MAPK10: variants seen among roughly 807,000 people sequenced by gnomAD.
MAPK10 encodes JNK3 alpha protein kinase.
MAPK10 carries 25 observed loss-of-function variants against 59.3 expected under a neutral mutation model. The observed-to-expected ratio is 0.42, with a 90% CI of 0.31 to 0.59. MAPK10 has a LOEUF of 0.59. MAPK10 is among the 20% of genes least tolerant of loss of function. The pLI, the probability that MAPK10 is intolerant of heterozygous loss-of-function variation, is 0.15. For missense variants in MAPK10, 351 were observed against 568.9 expected (o/e 0.62, Z 3.90); for synonymous variants, 190 against 200.5 (o/e 0.95, Z 0.44).
intron 1 of MAPK10, among the ~76,000 whole-genome samples, chr4:86,504,295 C>A (rs949103306): frequency 6.6e-6 from 1 of 152,044 alleles, no homozygotes; most frequent in African/African-American, 2.4e-5. Context: ...ACAGAATGAA[C>A]CTCTCTACAG....
chr4:86,354,476 G>T lies in MAPK10; in HGVS notation c.-7+54C>A, dbSNP rs1733388530. ...AAAACCATATGCAATATTTAAATTG[G>T]CTATATAGATCCTAGTTTTCATGCT... On this transcript the variant is annotated intron_variant, in intron 2 of 13. Transcript: ENST00000641462. 7.0e-6 allele frequency: 5 copies of T among 715,004 alleles called. No individual in the cohort carries two copies. In the Admixed American group the frequency reaches 1.7e-4, roughly 25 times the overall value. The allele number at this position is 715,004 out of a possible 1,614,324, so 44.3% of individuals were successfully genotyped here.
At chr4:86,335,483 G>A (rs1018059441) in intron 2 of MAPK10, among the ~76,000 whole-genome samples, 8 of 152,042 alleles carry the variant, frequency 5.3e-5, no homozygotes, top group Admixed American at 3.3e-4. Flanking sequence ...CTAAAAATAC[G>A]GTTTTTTAAA....
intron 2 of MAPK10, among the ~76,000 whole-genome samples, chr4:86,298,827 G>C (rs2095416753): frequency 6.6e-6 from 1 of 152,150 alleles, no homozygotes; most frequent in Admixed American, 6.5e-5. Flanking sequence ...ACTTAAAGCA[G>C]ATCATGAGAA....
intron 4 of MAPK10, among the ~76,000 whole-genome samples, chr4:86,117,402 CT>C (rs2149104081): frequency 6.6e-6 from 1 of 152,306 alleles, no homozygotes; most frequent in South Asian, 2.1e-4. Context: ...CACAGGGTAT[CT>C]TTTCTAACCA....
At chr4:86,391,910 A>C (rs1012296542) in intron 1 of MAPK10, among the ~76,000 whole-genome samples, 3 of 152,190 alleles carry the variant, frequency 2.0e-5, no homozygotes, top group Non-Finnish European at 2.9e-5. Flanking sequence ...TCCAGGATTG[A>C]AGCCCACCAC....
At chr4:86,102,295 T>A (rs1253757953) in intron 6 of MAPK10, 1 of 360,518 alleles carries the variant, frequency 2.8e-6, no homozygotes, top group African/African-American at 2.0e-5. Flanking sequence ...CACTTTCCCC[T>A]GTATTCCCTC....
intron 1 of MAPK10, among the ~76,000 whole-genome samples, chr4:86,562,608 T>C (rs1435616233): frequency 1.3e-5 from 2 of 151,672 alleles, no homozygotes; most frequent in Non-Finnish European, 2.9e-5. Context: ...GGTGGGAAGA[T>C]TGCTTGAGTC....
chr4:86,022,539 C>T (rs1328069147), intron 13 of MAPK10, among the ~76,000 whole-genome samples: 2 of 152,022 alleles, frequency 1.3e-5, no homozygotes, highest in Non-Finnish European at 2.9e-5. Context: ...GACAGGGTCT[C>T]AGTCGCCCAG....
intron 1 of MAPK10, among the ~76,000 whole-genome samples, chr4:86,519,409 C>A (rs79757558): frequency 6.6e-6 from 1 of 152,066 alleles, no homozygotes; most frequent in African/African-American, 2.4e-5. Context: ...TTTTAACAGA[C>A]TTTAAGTCTG....
chr4:86,224,752 A>G (rs1224556014), intron 2 of MAPK10, among the ~76,000 whole-genome samples: 1 of 152,240 alleles, frequency 6.6e-6, no homozygotes, highest in Non-Finnish European at 1.5e-5. Context: ...AAGATTTGAT[A>G]AATCTGAGTT....
intron 4 of MAPK10, among the ~76,000 whole-genome samples, chr4:86,147,410 G>A (rs2065264391): frequency 6.6e-6 from 1 of 152,036 alleles, no homozygotes. Context: ...ACCATCATTT[G>A]CATTTTTTTC....
intron 3 of MAPK10, among the ~76,000 whole-genome samples, chr4:86,175,481 G>T (rs915365951): frequency 1.3e-5 from 2 of 152,048 alleles, no homozygotes. Context: ...CTGGATCATG[G>T]GGGTGGTTTC....
chr4:86,063,453 C>T (rs985741662), intron 11 of MAPK10, among the ~76,000 whole-genome samples: 1 of 152,078 alleles, frequency 6.6e-6, no homozygotes, highest in Admixed American at 6.6e-5. Context: ...AGAAGCTTCT[C>T]ATGTTTAAGG....
At chr4:86,141,058 C>T (rs772862386) in intron 4 of MAPK10, among the ~76,000 whole-genome samples, 3 of 152,118 alleles carry the variant, frequency 2.0e-5, no homozygotes, top group South Asian at 2.1e-4. Flanking sequence ...TTTATTTAGA[C>T]ATGAGGAAAT....
intron 2 of MAPK10, among the ~76,000 whole-genome samples, chr4:86,317,592 C>T (rs186928920): frequency 7.9e-5 from 12 of 152,268 alleles, no homozygotes; most frequent in African/African-American, 2.9e-4. Context: ...CCTTCTTTCA[C>T]ACCATCTACA....
Position 86,111,665 on chromosome 4 carries a change from C to A in MAPK10, c.237-4313G>T, listed in dbSNP as rs376153080. 3.3e-5 allele frequency among the ~76,000 whole-genome samples: 5 copies of A among 152,250 alleles called. No homozygotes were observed. In the East Asian group the frequency reaches 7.7e-4, roughly 23 times the overall value. On this transcript the variant is annotated intron_variant, in intron 4 of 13. Transcript: ENST00000641462. Reference sequence around the variant, plus strand: ...TGAGGATTTTTGCATCAATGCTAATCAGGGATATTGGCCTGAAGTTTTCTT... The same window carrying A: ...TGAGGATTTTTGCATCAATGCTAATAAGGGATATTGGCCTGAAGTTTTCTT...
chr4:86,189,882 A>G (rs1252759136), intron 3 of MAPK10, among the ~76,000 whole-genome samples: 1 of 151,918 alleles, frequency 6.6e-6, no homozygotes, highest in Non-Finnish European at 1.5e-5. Flanking sequence ...TGGCTGTGGA[A>G]CTGTCATAAA....
chr4:86,317,478 A>C lies in MAPK10; in HGVS notation c.-7+37052T>G, dbSNP rs559314795. 2.0e-5 allele frequency among the ~76,000 whole-genome samples: 3 copies of C among 152,276 alleles called. No homozygotes were observed. The South Asian group carries it at 6.2e-4, about 32-fold the overall frequency. On this transcript the variant is annotated intron_variant, in intron 2 of 13. Transcript: ENST00000641462. ...TTCTTTGAAATACTACTGCACTTCT[A>C]ATCAGTACAGTGCCATATTATCTAT...
chr4:86,193,947 A>G (rs749664700), intron 3 of MAPK10: 25 of 197,386 alleles, frequency 1.3e-4, no homozygotes, highest in Non-Finnish European at 2.2e-4. Context: ...TCTGCGCCAG[A>G]GTGCACCATT....
Sources: allele counts gnomAD v4.1 joint callset (sites outside exome capture counted in the v4.1 genomes callset), GRCh38; gene constraint gnomAD v4.1.1; transcripts MANE v1.5; gene names NCBI Gene and HGNC (gene_info 2026-07-23, HGNC 2026-07-21).